Variants in PTPRM observed in about 807,000 individuals in gnomAD.
PTPRM encodes protein tyrosine phosphatase receptor type M.
A neutral mutation model predicts 186.7 loss-of-function variants in PTPRM; 47 were observed. The ratio of observed to expected loss-of-function variants is 0.25; its 90% CI spans 0.20 to 0.32. PTPRM has a LOEUF of 0.32. Ranked by LOEUF, PTPRM falls within the 10% of genes least tolerant of loss-of-function variation. The pLI is 1.00. For synonymous variants in PTPRM, 668 were observed against 674.9 expected (o/e 0.99, Z 0.16); for missense variants, 1,494 against 1,865.0 (o/e 0.80, Z 3.66).
chr18:7,625,209 A>G (rs1300604206), intron 1 of PTPRM, among the ~76,000 whole-genome samples: 1 of 152,220 alleles, frequency 6.6e-6, no homozygotes, highest in Non-Finnish European at 1.5e-5. Flanking sequence ...GTCATCTCGA[A>G]TCTGTTTCCT....
At chr18:7,881,996 T>G (rs2048531969) in intron 2 of PTPRM, among the ~76,000 whole-genome samples, 1 of 152,188 alleles carries the variant, frequency 6.6e-6, no homozygotes, top group Non-Finnish European at 1.5e-5. Flanking sequence ...ATTTTCCTCA[T>G]CTGCTGTTGA....
At chr18:8,006,838 G>A (rs2084217482) in intron 7 of PTPRM, among the ~76,000 whole-genome samples, 1 of 152,198 alleles carries the variant, frequency 6.6e-6, no homozygotes, top group Non-Finnish European at 1.5e-5. Context: ...GGGTTTTAAT[G>A]TGGATTTTCT....
chr18:7,749,595 G>T (rs1433046741), intron 1 of PTPRM, among the ~76,000 whole-genome samples: 1 of 152,080 alleles, frequency 6.6e-6, no homozygotes, highest in Non-Finnish European at 1.5e-5. Flanking sequence ...CCTCTGGAAG[G>T]GTAATTAGAG....
chr18:8,112,391 A>G (rs756838786), intron 11 of PTPRM, among the ~76,000 whole-genome samples: 2 of 152,016 alleles, frequency 1.3e-5, no homozygotes. Context: ...CATTCCCCCC[A>G]TGGGTGGGGA....
intron 4 of PTPRM, among the ~76,000 whole-genome samples, chr18:7,918,066 G>A (rs1599494108): frequency 7.1e-6 from 1 of 140,920 alleles, no homozygotes; most frequent in East Asian, 2.2e-4. Flanking sequence ...GAGATATTGT[G>A]TTCTTGTGTG....
At chr18:7,571,430 C>T (rs915086103) in intron 1 of PTPRM, among the ~76,000 whole-genome samples, 9 of 152,118 alleles carry the variant, frequency 5.9e-5, no homozygotes, top group South Asian at 2.1e-4. Context: ...GAGAAACCAA[C>T]GAGTTGGCAA....
chr18:7,585,572 C>T (rs935454017), intron 1 of PTPRM, among the ~76,000 whole-genome samples: 3 of 152,172 alleles, frequency 2.0e-5, no homozygotes, highest in Non-Finnish European at 4.4e-5. Context: ...ATATTGGCTA[C>T]TGTTCTATTC....
chr18:7,728,773 C>T (rs1265590801), intron 1 of PTPRM, among the ~76,000 whole-genome samples: 1 of 152,186 alleles, frequency 6.6e-6, no homozygotes, highest in Non-Finnish European at 1.5e-5. Context: ...AGCAGCATTT[C>T]TCTATTATAA....
intron 22 of PTPRM, among the ~76,000 whole-genome samples, chr18:8,339,192 G>A (rs148941216): frequency 1.4e-3 from 214 of 149,686 alleles, no homozygotes; most frequent in Non-Finnish European, 2.3e-3. Context: ...AAAAAAAAAC[G>A]TTCCGCCCCC....
chr18:7,620,546 C>T (rs1005466372), intron 1 of PTPRM, among the ~76,000 whole-genome samples: 9 of 152,122 alleles, frequency 5.9e-5, no homozygotes, highest in East Asian at 1.9e-4. Context: ...GCTGGGGAAT[C>T]GGATTCTAGA....
chr18:8,267,095 C>T (rs2094710250), intron 19 of PTPRM, among the ~76,000 whole-genome samples: 1 of 152,052 alleles, frequency 6.6e-6, no homozygotes, highest in Non-Finnish European at 1.5e-5. Context: ...TATAAATACG[C>T]AGCGTATGTT....
chr18:7,983,019 A>G (rs1287101265), intron 7 of PTPRM, among the ~76,000 whole-genome samples: 2 of 151,740 alleles, frequency 1.3e-5, no homozygotes, highest in African/African-American at 4.8e-5. Context: ...CCCTATTTCC[A>G]TGTCTTTTTA....
At chr18:7,877,778 T>C (rs763500120) in intron 2 of PTPRM, among the ~76,000 whole-genome samples, 2 of 152,182 alleles carry the variant, frequency 1.3e-5, no homozygotes, top group Non-Finnish European at 1.5e-5. Context: ...AGTACTTTGC[T>C]TGCTTTAGTC....
intron 5 of PTPRM, among the ~76,000 whole-genome samples, chr18:7,931,929 A>T (rs1252030259): frequency 6.6e-6 from 1 of 152,148 alleles, no homozygotes; most frequent in Non-Finnish European, 1.5e-5. Flanking sequence ...CCTATAGATG[A>T]CTCATGCACG....
intron 1 of PTPRM, among the ~76,000 whole-genome samples, chr18:7,712,721 A>G (rs1461237926): frequency 2.0e-5 from 3 of 152,008 alleles, no homozygotes; most frequent in Non-Finnish European, 4.4e-5. Context: ...TTCGTGAAGC[A>G]TACACAAGTA....
At chr18:8,091,360 C>T (rs947261097) in intron 11 of PTPRM, among the ~76,000 whole-genome samples, 4 of 152,118 alleles carry the variant, frequency 2.6e-5, no homozygotes, top group African/African-American at 4.8e-5. Context: ...TCTCTAATAC[C>T]TTCTTCCCCT....
chr18:8,189,454 G>T (rs970427024), intron 14 of PTPRM, among the ~76,000 whole-genome samples: 9 of 152,126 alleles, frequency 5.9e-5, no homozygotes, highest in African/African-American at 2.2e-4. Context: ...CAGGTGCTTT[G>T]TCACCCTGTT....
intron 7 of PTPRM, among the ~76,000 whole-genome samples, chr18:7,983,082 A>T (rs1247912363): frequency 6.6e-6 from 1 of 151,894 alleles, no homozygotes; most frequent in Non-Finnish European, 1.5e-5. Context: ...TGCTTGTCAA[A>T]CACATGTACT....
intron 7 of PTPRM, among the ~76,000 whole-genome samples, chr18:8,018,517 GTTA>G (rs776481953): frequency 2.0e-5 from 3 of 152,058 alleles, no homozygotes; most frequent in Non-Finnish European, 4.4e-5. Flanking sequence ...TCACATTGCT[GTTA>G]TTATTTTTAA....
Sources: allele counts gnomAD v4.1 joint callset (sites outside exome capture counted in the v4.1 genomes callset), GRCh38; gene constraint gnomAD v4.1.1; transcripts MANE v1.5; gene names NCBI Gene and HGNC (gene_info 2026-07-23, HGNC 2026-07-21).